Variants in LRP1B observed in about 807,000 individuals in gnomAD.
LRP1B encodes the protein LDL receptor related protein 1B.
A neutral mutation model predicts 556.6 loss-of-function variants in LRP1B; 217 were observed. The observed-to-expected ratio is 0.39, with a 90% CI of 0.35 to 0.44. The LOEUF is 0.44. LRP1B is among the 20% of genes least tolerant of loss of function. The pLI, the probability that LRP1B is intolerant of heterozygous loss-of-function variation, is 1.00. For missense variants in LRP1B, 5,053 were observed against 5,620.8 expected (o/e 0.90, Z 3.23); for synonymous variants, 2,047 against 1,865.8 (o/e 1.10, Z -2.50).
At chr2:141,535,933 G>A (rs374928071) in intron 2 of LRP1B, among the ~76,000 whole-genome samples, 9 of 152,156 alleles carry the variant, frequency 5.9e-5, no homozygotes, top group Admixed American at 1.3e-4. Flanking sequence ...ATTGACAACT[G>A]CATAGCCTAA....
chr2:140,451,752 GT>G (rs1686894466), intron 62 of LRP1B, among the ~76,000 whole-genome samples: 1 of 150,278 alleles, frequency 6.7e-6, no homozygotes, highest in South Asian at 2.1e-4. Flanking sequence ...TTAAAAAGAG[GT>G]AAAAATAAGG....
At chr2:140,884,428 A>C (rs1693572002) in intron 24 of LRP1B, among the ~76,000 whole-genome samples, 1 of 152,200 alleles carries the variant, frequency 6.6e-6, no homozygotes, top group Admixed American at 6.5e-5. Context: ...GTAGAATAAA[A>C]TCAAAAGAAA....
chr2:142,110,049 T>C (rs138129413), intron 1 of LRP1B, among the ~76,000 whole-genome samples: 3 of 152,270 alleles, frequency 2.0e-5, no homozygotes, highest in Admixed American at 6.5e-5. Context: ...ATTCTGATTT[T>C]CCGACAGAAA....
intron 1 of LRP1B, among the ~76,000 whole-genome samples, chr2:141,996,523 A>G (rs1313440231): frequency 6.6e-6 from 1 of 152,142 alleles, no homozygotes; most frequent in Non-Finnish European, 1.5e-5. Flanking sequence ...TGCTCAATAA[A>G]CTGTAGCCAT....
At chr2:141,335,980 T>C (rs1687832411) in intron 3 of LRP1B, among the ~76,000 whole-genome samples, 1 of 152,128 alleles carries the variant, frequency 6.6e-6, no homozygotes, top group African/African-American at 2.4e-5. Flanking sequence ...TACTTGTCCT[T>C]TGTGACTTCT....
At chr2:140,522,677 A>T (rs1488934287) in intron 49 of LRP1B, among the ~76,000 whole-genome samples, 2 of 20,492 alleles carry the variant, frequency 9.8e-5, no homozygotes, top group Non-Finnish European at 6.5e-4. Context: ...TGCTAGATTA[A>T]CAAAAAAAAA....
rs1433604599 is a variant in LRP1B at position 141,139,781 on chromosome 2, A to ACGTG, written c.1013+48639_1013+48640insCACG. 1.6e-4 allele frequency among the ~76,000 whole-genome samples: 24 copies of ACGTG among 148,138 alleles called. No individual in the cohort carries two copies. In the South Asian group the frequency reaches 2.4e-3, roughly 15 times the overall value. On this transcript the variant is annotated intron_variant, in intron 7 of 90. Coordinates refer to ENST00000389484, the MANE Select transcript of LRP1B (RefSeq NM_018557.3). ...AAAAAAGTACAGCCACATTGGAAAA[A>ACGTG]TGTGTGTGTGTGTGTGTGTGTGTGT...
At chr2:140,518,367 T>A (rs944027551) in intron 49 of LRP1B, among the ~76,000 whole-genome samples, 1 of 152,168 alleles carries the variant, frequency 6.6e-6, no homozygotes, top group Non-Finnish European at 1.5e-5. Flanking sequence ...TGCATGCATG[T>A]CCCTTTCTTT....
At chr2:142,000,680 T>C (rs2105135472) in intron 1 of LRP1B, among the ~76,000 whole-genome samples, 1 of 152,302 alleles carries the variant, frequency 6.6e-6, no homozygotes, top group South Asian at 2.1e-4. Flanking sequence ...TAATGCTTAC[T>C]TTTTGCCAGA....
rs145269087 is a variant in LRP1B, at chr2:140,330,460, C to A, written c.12223+3993G>T. 6.9e-3 allele frequency among the ~76,000 whole-genome samples: 1,034 copies of A among 150,780 alleles called. 3 individuals carry two copies. Among genetic ancestry groups the A allele is most frequent in the Non-Finnish European group, 0.012 (797 of 67,468 alleles). On this transcript the variant is annotated intron_variant, in intron 79 of 90. Coordinates refer to ENST00000389484, the MANE Select transcript of LRP1B (RefSeq NM_018557.3). ...TGATTTTCAACAAACCTGACAAAAA[C>A]AAGCAATGGGGAAAGGAGTTTGTAT...
chr2:141,439,192 A>G (rs1232751381), intron 3 of LRP1B, among the ~76,000 whole-genome samples: 1 of 152,102 alleles, frequency 6.6e-6, no homozygotes, highest in Non-Finnish European at 1.5e-5. Flanking sequence ...TCCCTATATT[A>G]TGGGCTGTGA....
intron 1 of LRP1B, among the ~76,000 whole-genome samples, chr2:142,014,055 C>A (rs1265080896): frequency 2.6e-5 from 4 of 152,136 alleles, no homozygotes; most frequent in Non-Finnish European, 4.4e-5. Flanking sequence ...ATCACAAACC[C>A]TTGCAGCAGA....
intron 11 of LRP1B, among the ~76,000 whole-genome samples, chr2:141,042,617 T>A (rs553562992): frequency 1.3e-5 from 2 of 152,216 alleles, no homozygotes; most frequent in East Asian, 3.9e-4. Context: ...AGACTTCACC[T>A]GTCTGAGTCT....
At chr2:140,735,968 G>A (rs914953562) in intron 35 of LRP1B, among the ~76,000 whole-genome samples, 1 of 152,134 alleles carries the variant, frequency 6.6e-6, no homozygotes, top group Non-Finnish European at 1.5e-5. Flanking sequence ...ATAAGCAAAA[G>A]TTCTTGGGGC....
intron 43 of LRP1B, among the ~76,000 whole-genome samples, chr2:140,545,366 T>C (rs1680291750): frequency 6.6e-6 from 1 of 152,140 alleles, no homozygotes; most frequent in South Asian, 2.1e-4. Flanking sequence ...TGCCTGTTCC[T>C]ATGTCTAGAA....
chr2:140,404,297 C>T (rs942916554), intron 66 of LRP1B, among the ~76,000 whole-genome samples: 1 of 151,106 alleles, frequency 6.6e-6, no homozygotes, highest in Non-Finnish European at 1.5e-5. Context: ...GCCTCAGCCT[C>T]CCGAGTAGCT....
chr2:141,060,856 T>A (rs1699315092), intron 8 of LRP1B, among the ~76,000 whole-genome samples: 1 of 151,670 alleles, frequency 6.6e-6, no homozygotes, highest in Non-Finnish European at 1.5e-5. Context: ...ACTGTATCTA[T>A]GTTGGATTAT....
intron 3 of LRP1B, among the ~76,000 whole-genome samples, chr2:141,418,490 C>T (rs1680009216): frequency 1.4e-5 from 2 of 147,994 alleles, no homozygotes; most frequent in Admixed American, 6.8e-5. Context: ...GTTGAAGAGG[C>T]TACCCTTTCC....
intron 77 of LRP1B, among the ~76,000 whole-genome samples, chr2:140,341,123 T>C (rs1681368813): frequency 6.6e-6 from 1 of 151,650 alleles, no homozygotes; most frequent in Non-Finnish European, 1.5e-5. Context: ...GAATGATCTA[T>C]ATGATATACA....
Sources: allele counts gnomAD v4.1 joint callset (sites outside exome capture counted in the v4.1 genomes callset), GRCh38; gene constraint gnomAD v4.1.1; transcripts MANE v1.5; gene names NCBI Gene and HGNC (gene_info 2026-07-23, HGNC 2026-07-21).